Variants in NXPH1 observed in about 807,000 individuals in gnomAD.
NXPH1 encodes neurexophilin 1.
Under a neutral mutation model 23.7 loss-of-function variants are expected in NXPH1, and 5 were observed. That is an observed-to-expected ratio of 0.21 (90% CI 0.11 to 0.44). NXPH1 has a LOEUF of 0.44. Ranked by LOEUF, NXPH1 falls within the 20% of genes least tolerant of loss-of-function variation. The pLI is 0.99. For synonymous variants in NXPH1, 144 were observed against 122.2 expected (o/e 1.18, Z -1.18); for missense variants, 324 against 321.6 (o/e 1.01, Z -0.06).
intron 2 of NXPH1, among the ~76,000 whole-genome samples, chr7:8,515,553 C>T (rs923742155): frequency 2.0e-5 from 3 of 150,898 alleles, no homozygotes; most frequent in South Asian, 2.1e-4. Context: ...AGCTGATTAT[C>T]ACAGAGAGGA....
At chr7:8,729,912 G>A (rs1228864194) in intron 2 of NXPH1, among the ~76,000 whole-genome samples, 11 of 147,186 alleles carry the variant, frequency 7.5e-5, no homozygotes, top group South Asian at 4.4e-4. Flanking sequence ...TTTCTGTCTC[G>A]TTGATCTGTC....
Position 8,491,261 on chromosome 7 carries a change from G to A in NXPH1, c.54+55494G>A, listed in dbSNP as rs186078065. On this transcript the variant is annotated intron_variant, in intron 2 of 2. Coordinates refer to ENST00000405863, the MANE Select transcript of NXPH1 (RefSeq NM_152745.3). Reference sequence around the variant, plus strand: ...CCTATCCTTGGCTGTGAAACAGTGCGGATTTTCTTAACTGAGTCCCTGACA... The same window carrying A: ...CCTATCCTTGGCTGTGAAACAGTGCAGATTTTCTTAACTGAGTCCCTGACA... Among the ~76,000 whole-genome samples, 115 of 152,086 alleles carry A rather than the reference G, an allele frequency of 7.6e-4. 1 individual carries two copies. Among genetic ancestry groups the A allele is most frequent in the Middle Eastern group, 6.8e-3 (2 of 294 alleles).
At chr7:8,746,875 A>T (rs143220852) in intron 2 of NXPH1, among the ~76,000 whole-genome samples, 14 of 131,082 alleles carry the variant, frequency 1.1e-4, no homozygotes, top group South Asian at 2.5e-4. Context: ...TTTTTTTTTT[A>T]ATTGTTTGCT....
At chr7:8,684,482 T>C (rs564916420) in intron 2 of NXPH1, among the ~76,000 whole-genome samples, 11 of 152,286 alleles carry the variant, frequency 7.2e-5, no homozygotes, top group Admixed American at 4.6e-4. Flanking sequence ...TAAGATGGTA[T>C]GTATGAAGGA....
At chr7:8,460,037 G>C (rs1032121549) in intron 2 of NXPH1, among the ~76,000 whole-genome samples, 6 of 152,024 alleles carry the variant, frequency 3.9e-5, no homozygotes, top group Non-Finnish European at 7.4e-5. Context: ...TCCATGTTAG[G>C]TCTTCTGTTA....
At chr7:8,470,805 T>C (rs1816860791) in intron 2 of NXPH1, among the ~76,000 whole-genome samples, 1 of 152,172 alleles carries the variant, frequency 6.6e-6, no homozygotes, top group Non-Finnish European at 1.5e-5. Context: ...TAGCATGTTT[T>C]CAAGGCTGGC....
chr7:8,550,100 C>G (rs577627012), intron 2 of NXPH1, among the ~76,000 whole-genome samples: 45 of 151,626 alleles, frequency 3.0e-4, no homozygotes, highest in African/African-American at 1.0e-3. Context: ...AGTTATAAAA[C>G]TTGCCTGCGG....
intron 2 of NXPH1, among the ~76,000 whole-genome samples, chr7:8,577,185 A>G (rs1258317619): frequency 6.6e-6 from 1 of 152,192 alleles, no homozygotes; most frequent in East Asian, 1.9e-4. Context: ...TTTCCATTAC[A>G]AGGATAATGC....
intron 2 of NXPH1, among the ~76,000 whole-genome samples, chr7:8,711,482 T>C (rs1190088256): frequency 6.6e-6 from 1 of 152,214 alleles, no homozygotes; most frequent in Non-Finnish European, 1.5e-5. Flanking sequence ...TTTGGAAACA[T>C]AGGCCATAGC....
chr7:8,699,185 C>T (rs1305683472), intron 2 of NXPH1, among the ~76,000 whole-genome samples: 1 of 152,164 alleles, frequency 6.6e-6, no homozygotes, highest in East Asian at 1.9e-4. Context: ...GCTAGGTTTT[C>T]TCATTTTTCA....
chr7:8,663,074 G>A (rs1183267745), intron 2 of NXPH1, among the ~76,000 whole-genome samples: 1 of 152,032 alleles, frequency 6.6e-6, no homozygotes, highest in Non-Finnish European at 1.5e-5. Flanking sequence ...TGCCTACAGA[G>A]GATTGATGAC....
chr7:8,637,096 A>G (rs79972763), intron 2 of NXPH1, among the ~76,000 whole-genome samples: 8,095 of 152,282 alleles, frequency 0.053, 438 homozygotes, highest in East Asian at 0.17. Flanking sequence ...GGTACTGCCT[A>G]TAGACATGTG....
At chr7:8,560,486 G>GA (rs147337298) in intron 2 of NXPH1, among the ~76,000 whole-genome samples, 11,344 of 151,756 alleles carry the variant, frequency 0.075, 1,405 homozygotes, top group African/African-American at 0.26. Flanking sequence ...CCACTTACTT[G>GA]AATCCACATT....
intron 2 of NXPH1, among the ~76,000 whole-genome samples, chr7:8,686,051 A>G (rs1821141743): frequency 6.6e-6 from 1 of 152,108 alleles, no homozygotes; most frequent in African/African-American, 2.4e-5. Context: ...TACAGCTACT[A>G]TATACCCACA....
intron 2 of NXPH1, among the ~76,000 whole-genome samples, chr7:8,696,552 A>G (rs890285003): frequency 7.0e-4 from 106 of 152,206 alleles, no homozygotes; most frequent in African/African-American, 2.3e-3. Flanking sequence ...TTAAACGGAC[A>G]CCTGAATGAT....
intron 2 of NXPH1, among the ~76,000 whole-genome samples, chr7:8,604,236 T>C (rs1283553689): frequency 6.6e-6 from 1 of 152,160 alleles, no homozygotes; most frequent in African/African-American, 2.4e-5. Flanking sequence ...TCATGTATTT[T>C]TTAAACTTGT....
chr7:8,497,655 G>T (rs1817360720), intron 2 of NXPH1, among the ~76,000 whole-genome samples: 1 of 152,138 alleles, frequency 6.6e-6, no homozygotes. Flanking sequence ...CTGCATAAAT[G>T]TCTTCTTTTG....
chr7:8,481,362 T>C (rs746547373), intron 2 of NXPH1, among the ~76,000 whole-genome samples: 9 of 152,140 alleles, frequency 5.9e-5, no homozygotes, highest in Non-Finnish European at 1.2e-4. Context: ...ATAGGATGGG[T>C]ATAGAAAAAT....
chr7:8,589,819 T>C (rs545444828), intron 2 of NXPH1, among the ~76,000 whole-genome samples: 29 of 152,056 alleles, frequency 1.9e-4, no homozygotes, highest in African/African-American at 6.0e-4. Context: ...ATCCAGTAGA[T>C]AGATAGCCAC....
Sources: allele counts gnomAD v4.1 joint callset (sites outside exome capture counted in the v4.1 genomes callset), GRCh38; gene constraint gnomAD v4.1.1; transcripts MANE v1.5; gene names NCBI Gene and HGNC (gene_info 2026-07-23, HGNC 2026-07-21).